The following MPP3 variants were observed in gnomAD, a reference collection of about 807,000 sequenced individuals.
MPP3 encodes MAGUK p55 subfamily member 3.
In MPP3, 48 loss-of-function variants were observed where a neutral mutation model predicts 80.7. The ratio of observed to expected loss-of-function variants is 0.59; its 90% confidence interval spans 0.47 to 0.76. MPP3 has a LOEUF of 0.76. Among genes scored for constraint, MPP3 ranks in the 30% least tolerant of loss-of-function variants. The pLI is 0.00. For synonymous variants in MPP3, 311 were observed against 297.6 expected (o/e 1.04, Z -0.46); for missense variants, 620 against 763.0 (o/e 0.81, Z 2.21).
In MPP3 at chr17:43,812,830, T is replaced by G. The variant is rs1001998063; in HGVS notation, c.1255+1181A>C. On this transcript the variant is annotated intron_variant, in intron 16 of 19. Transcript: ENST00000398389. ...AGTCCACCTGAAACTTGGAAGGCCG[T>G]GGCTCCCTGAAGCCCTCCAGGTCCA... is the stretch of plus-strand genomic sequence containing the variant. 8.5e-5 allele frequency among the ~76,000 whole-genome samples: 13 copies of G among 152,302 alleles called. No homozygotes were observed. In the South Asian group the frequency reaches 2.7e-3, roughly 32 times the overall value.
At chr17:43,809,810 C>T (rs1415665876) in intron 18 of MPP3, among the ~76,000 whole-genome samples, 1 of 152,014 alleles carries the variant, frequency 6.6e-6, no homozygotes, top group Non-Finnish European at 1.5e-5. Context: ...ACCCGGGAGG[C>T]GGAGCTTGCG....
chr17:43,827,279 A>C (rs202057751), intron 8 of MPP3, among the ~76,000 whole-genome samples: 1 of 143,966 alleles, frequency 6.9e-6, no homozygotes. Context: ...GCCTCCCAAA[A>C]TGCTGGGATT....
intron 19 of MPP3, among the ~76,000 whole-genome samples, chr17:43,808,287 G>C (rs2044705196): frequency 6.6e-6 from 1 of 152,126 alleles, no homozygotes. Flanking sequence ...AGTTGCTTCT[G>C]ACTGCCCCCA....
At position 43,831,446 on chromosome 17, in the gene MPP3, G is replaced by C. The variant is rs2045955845; in HGVS notation, c.144+113C>G. On this transcript the variant is annotated intron_variant, in intron 4 of 19. Transcript: ENST00000398389. ...CCATAAGAGAAAGTCCTGTGTAGTG[G>C]GCAAGTGAAGGCCTTCCTGGGGCAG... 2.3e-6 allele frequency: 3 copies of C among 1,290,918 alleles called. No homozygotes were observed. The East Asian group carries it at 6.9e-5, about 30-fold the overall frequency. The allele number at this position is 1,290,918 out of a possible 1,614,324, so 80.0% of individuals were successfully genotyped here.
At chr17:43,828,607 G>A (rs1184433116) in intron 7 of MPP3, among the ~76,000 whole-genome samples, 1 of 152,204 alleles carries the variant, frequency 6.6e-6, no homozygotes, top group Admixed American at 6.5e-5. Flanking sequence ...AAGGCACTTA[G>A]TACACAGTAA....
At position 43,801,855 on chromosome 17, in the gene MPP3, G is replaced by C. The variant is rs1174343452; in HGVS notation, c.1604C>G (p.Ala535Gly). 6.2e-7 allele frequency: 1 copy of C among 1,612,826 alleles called. No homozygotes were observed. The highest frequency in any genetic ancestry group is 1.7e-5 in the Admixed American group (1 of 59,990). ...CCGGTCTATGAAGGCGGCAGAAGCG[G>C]CCATCTCTTGCTGCTGCTCATCCTG... ...APFDEQQQEMAASAAFIDRHY... is the reference protein window; with the variant it reads ...APFDEQQQEMGASAAFIDRHY... Residue 535 changes from alanine to glycine, a missense_variant, in exon 20 of 20, where the codon GCC becomes GGC. Ala to Gly is a moderately conservative substitution (Grantham distance 60). Coordinates refer to ENST00000398389, the MANE Select transcript of MPP3 (RefSeq NM_001932.6).
chr17:43,827,314 CTTTTTTTTTTTTTTCTTTT>C (rs1282051640), intron 8 of MPP3, among the ~76,000 whole-genome samples: 1 of 119,596 alleles, frequency 8.4e-6, no homozygotes, highest in African/African-American at 3.2e-5. Flanking sequence ...CTGTGCCTGG[CTTTTTTTTTTTTTTCTTTT>C]TTTTTTTTTT....
At chr17:43,817,003 A>T (rs1873265760) in intron 12 of MPP3, among the ~76,000 whole-genome samples, 1 of 152,240 alleles carries the variant, frequency 6.6e-6, no homozygotes, top group Admixed American at 6.5e-5. Context: ...TCAGGGGCCC[A>T]GGGAGCAGCT....
chr17:43,825,749 C>A lies in MPP3; in HGVS notation c.609+7G>T, dbSNP rs2045664506. 6.3e-7 allele frequency: 1 copy of A among 1,597,426 alleles called. No individual in the cohort carries two copies. The highest frequency in any genetic ancestry group is 8.6e-7 in the Non-Finnish European group (1 of 1,164,798). On this transcript the variant is annotated splice_region_variant and intron_variant, in intron 9 of 19. Coordinates refer to ENST00000398389, the MANE Select transcript of MPP3 (RefSeq NM_001932.6). ...CAGCACATCCCTAGCAGGCTTGTAG[C>A]ACGGACCAGAATCTGGCTGATCTCG...
chr17:43,810,779 G>A, intron 18 of MPP3, 28 bp downstream of exon 18: 1 of 1,491,226 alleles, frequency 6.7e-7, no homozygotes, highest in Admixed American at 2.0e-5. Context: ...CCGTTAACCA[G>A]AAATGGCCAG....
At chr17:43,803,056 G>A (rs916826459) in intron 19 of MPP3, among the ~76,000 whole-genome samples, 4 of 152,178 alleles carry the variant, frequency 2.6e-5, no homozygotes, top group African/African-American at 7.2e-5. Context: ...CGATTAAATT[G>A]GGAGACACTT....
intron 12 of MPP3, 155 bp downstream of exon 12, chr17:43,817,891 C>G: frequency 2.8e-6 from 1 of 353,936 alleles, no homozygotes; most frequent in East Asian, 1.1e-4. Context: ...CCCCCCACCT[C>G]CTACTTCCCA....
At chr17:43,822,314 A>T (rs2045498125) in intron 10 of MPP3, among the ~76,000 whole-genome samples, 1 of 152,206 alleles carries the variant, frequency 6.6e-6, no homozygotes. Flanking sequence ...ATCGACTGAC[A>T]TCTCCTCTGT....
intron 8 of MPP3, among the ~76,000 whole-genome samples, chr17:43,826,435 A>C (rs1203137068): frequency 6.6e-6 from 1 of 152,208 alleles, no homozygotes; most frequent in Non-Finnish European, 1.5e-5. Flanking sequence ...AGACCTGCTG[A>C]ATCAGTCTGC....
At chr17:43,831,464 TG>T in intron 4 of MPP3, 94 bp downstream of exon 4, 1 of 1,315,274 alleles carries the variant, frequency 7.6e-7, no homozygotes, top group Non-Finnish European at 1.1e-6. Flanking sequence ...AAGGCCTTCC[TG>T]GGGCAGGGAG....
In MPP3 at chr17:43,801,597, A is replaced by C; in HGVS notation, c.*104T>G. The C allele has an allele frequency of 8.9e-7, 1 of 1,125,502 alleles. No homozygotes were observed. Among genetic ancestry groups the C allele is most frequent in the Non-Finnish European group, 1.3e-6 (1 of 766,356 alleles). The allele number at this position is 1,125,502 out of a possible 1,614,324, so 69.7% of individuals were successfully genotyped here. On this transcript the variant is annotated 3_prime_UTR_variant, in exon 20 of 20. Transcript: ENST00000398389. Reference sequence around the variant, plus strand: ...CTTCTCGATGATGGAATTTGTGGAGAATTCTCTCCCTCTCTGCGCTTGAGA... The same window carrying C: ...CTTCTCGATGATGGAATTTGTGGAGCATTCTCTCCCTCTCTGCGCTTGAGA...
intron 19 of MPP3, among the ~76,000 whole-genome samples, chr17:43,802,378 T>C (rs1306490440): frequency 6.6e-6 from 1 of 152,246 alleles, no homozygotes; most frequent in Non-Finnish European, 1.5e-5. Flanking sequence ...AATGCCCTCC[T>C]GAAGACTCCT....
intron 9 of MPP3, 52 bp downstream of exon 9, chr17:43,825,704 G>T: frequency 3.2e-6 from 4 of 1,231,232 alleles, no homozygotes; most frequent in African/African-American, 3.0e-5. Flanking sequence ...GAAGTGCCTT[G>T]CTCTGGGTGT....
chr17:43,831,654 G>A lies in MPP3; in HGVS notation c.49C>T (p.Leu17=). ...GAGTCAGGTCTGAGCTGGGAGGTCA[G>A]CAGGGCCAGGGTTTCATGCAAACCT... ...DSGLHETLAL[L]TSQLRPDSNH... is the part of the protein sequence containing the mutation. Residue 17 remains leucine, a synonymous_variant, in exon 4 of 20, where the codon CTG becomes TTG. Transcript: ENST00000398389. 1 of 1,612,684 alleles carries A rather than the reference G, an allele frequency of 6.2e-7. No homozygotes were observed. The highest frequency in any genetic ancestry group is 8.5e-7 in the Non-Finnish European group (1 of 1,179,036).
Sources: gnomAD v4.1 joint callset for allele counts (sites outside exome capture counted in the v4.1 genomes callset) on GRCh38, gnomAD v4.1.1 for gene constraint, MANE v1.5 for transcripts, NCBI Gene and HGNC (gene_info 2026-07-23, HGNC 2026-07-21) for gene names.